CACNA1C: variants seen among roughly 807,000 people sequenced by gnomAD.
CACNA1C encodes calcium voltage-gated channel subunit alpha1 C, also known as voltage-dependent L-type calcium channel subunit alpha-1C.
Under a neutral mutation model 229.0 loss-of-function variants are expected in CACNA1C, and 30 were observed. The ratio of observed to expected loss-of-function variants is 0.13; its 90% confidence interval spans 0.10 to 0.18. The LOEUF (loss-of-function observed/expected upper bound fraction) is 0.18. CACNA1C is among the 10% of genes least tolerant of loss of function. CACNA1C has a pLI of 1.00. For synonymous variants in CACNA1C, 1,114 were observed against 1,132.5 expected, an observed-to-expected ratio of 0.98 and a Z score of 0.33; for missense variants, 1,658 against 2,845.0, an observed-to-expected ratio of 0.58 and a Z score of 9.49.
chr12:2,614,634 T>G (rs1236010328), intron 29 of CACNA1C: 4 of 152,226 alleles, frequency 2.6e-5, no homozygotes, highest in African/African-American at 4.8e-5. Context: ...TAAGTAGGAC[T>G]CTGTGCTGCA....
intron 11 of CACNA1C, among the ~76,000 whole-genome samples, chr12:2,563,349 G>A (rs1352705123): frequency 1.3e-5 from 2 of 152,188 alleles, no homozygotes; most frequent in Non-Finnish European, 2.9e-5. Flanking sequence ...GGAGAACATA[G>A]GAGTGCAGAT....
intron 3 of CACNA1C, among the ~76,000 whole-genome samples, chr12:2,240,820 G>A (rs548189909): frequency 1.3e-5 from 2 of 151,942 alleles, no homozygotes; most frequent in East Asian, 3.9e-4. Flanking sequence ...CTGACCTCTG[G>A]CAGCCCAGAG....
At chr12:2,092,183 G>A (rs1471463292) in intron 1 of CACNA1C, among the ~76,000 whole-genome samples, 2 of 152,146 alleles carry the variant, frequency 1.3e-5, no homozygotes, top group East Asian at 3.9e-4. Context: ...AGGAATGAAG[G>A]GCGCGAAGGC....
chr12:2,043,495 G>A (rs1005706891), intron 1 of CACNA1C, among the ~76,000 whole-genome samples: 35 of 152,072 alleles, frequency 2.3e-4, no homozygotes, highest in Non-Finnish European at 4.3e-4. Flanking sequence ...ATTGAAACAG[G>A]TCTTCCATCT....
chr12:2,627,884 G>T (rs566490647), intron 29 of CACNA1C, among the ~76,000 whole-genome samples: 2 of 152,296 alleles, frequency 1.3e-5, no homozygotes, highest in African/African-American at 4.8e-5. Context: ...GTCCTAGGAG[G>T]GGAAACCACG....
At chr12:2,292,767 G>A (rs1043683649) in intron 3 of CACNA1C, among the ~76,000 whole-genome samples, 1 of 152,158 alleles carries the variant, frequency 6.6e-6, no homozygotes, top group African/African-American at 2.4e-5. Context: ...TCTCTTCCCT[G>A]AATGGGCAGC....
chr12:2,651,851 C>A lies in CACNA1C; in HGVS notation c.4074+83C>A. 2 of 1,145,572 alleles carry A rather than the reference C, an allele frequency of 1.7e-6. No individual in the cohort carries two copies. Among genetic ancestry groups the A allele is most frequent in the Non-Finnish European group, 1.2e-6 (1 of 814,016 alleles). 71.0% of individuals were successfully genotyped at this position (1,145,572 alleles called of 1,614,324 possible). A position where few individuals can be genotyped will look rare whatever the true frequency, so the allele number is the denominator to read the frequency against. Reference sequence around the variant, plus strand: ...AACACAGCTGACACAAGGAGGAGCCCTCCACTCTGGGGCCCTGCTCCTTCC... The same window carrying A: ...AACACAGCTGACACAAGGAGGAGCCATCCACTCTGGGGCCCTGCTCCTTCC... On this transcript the variant is annotated intron_variant, in intron 32 of 46. Coordinates refer to ENST00000399655, the MANE Select transcript of CACNA1C (RefSeq NM_000719.7). The surrounding 1 kb of genome is among the most constrained non-coding windows in gnomAD (Gnocchi z 5.4).
At chr12:2,096,326 CTA>C (rs1456927538) in intron 1 of CACNA1C, among the ~76,000 whole-genome samples, 1 of 152,186 alleles carries the variant, frequency 6.6e-6, no homozygotes, top group Non-Finnish European at 1.5e-5. Flanking sequence ...TTCTCTGGGC[CTA>C]TGTCATGTGC....
intron 1 of CACNA1C, among the ~76,000 whole-genome samples, chr12:2,112,967 G>A (rs755678628): frequency 1.3e-5 from 2 of 151,840 alleles, no homozygotes; most frequent in South Asian, 2.1e-4. Flanking sequence ...ATATTAGCTC[G>A]TTTTTCGGTT....
At chr12:2,247,873 A>G (rs910021014) in intron 3 of CACNA1C, among the ~76,000 whole-genome samples, 2 of 152,216 alleles carry the variant, frequency 1.3e-5, no homozygotes, top group Non-Finnish European at 2.9e-5. Flanking sequence ...CAAAGCAAGA[A>G]ACAGTACATG....
intron 3 of CACNA1C, among the ~76,000 whole-genome samples, chr12:2,161,071 C>T (rs112384252): frequency 1.1e-3 from 161 of 152,344 alleles, no homozygotes; most frequent in Middle Eastern, 3.4e-3. Context: ...CCACCCTCCT[C>T]GGCCTCCCAA....
intron 9 of CACNA1C, among the ~76,000 whole-genome samples, chr12:2,529,145 A>G (rs888284536): frequency 6.6e-6 from 1 of 152,248 alleles, no homozygotes; most frequent in African/African-American, 2.4e-5. Context: ...CAGTGAGGCA[A>G]GTTAGGTTTG....
chr12:2,355,680 A>G (rs983164837), intron 3 of CACNA1C, among the ~76,000 whole-genome samples: 1 of 152,212 alleles, frequency 6.6e-6, no homozygotes, highest in Non-Finnish European at 1.5e-5. Context: ...ACTTCCTATT[A>G]CAGCTATGGC....
intron 1 of CACNA1C, among the ~76,000 whole-genome samples, chr12:1,978,172 C>T (rs1000324735): frequency 2.6e-5 from 4 of 152,158 alleles, no homozygotes; most frequent in African/African-American, 9.7e-5. Flanking sequence ...TGTCGCAACC[C>T]AGAGAAAGGG....
chr12:2,627,451 C>CT (rs2087444005), intron 29 of CACNA1C, among the ~76,000 whole-genome samples: 1 of 152,080 alleles, frequency 6.6e-6, no homozygotes, highest in African/African-American at 2.4e-5. Context: ...CGCCAGCTGC[C>CT]AGTGGGACCC....
intron 27 of CACNA1C, among the ~76,000 whole-genome samples, chr12:2,610,037 A>G (rs1215837670): frequency 6.6e-6 from 1 of 152,180 alleles, no homozygotes; most frequent in Non-Finnish European, 1.5e-5. Flanking sequence ...AGGCAGGAGA[A>G]TCGCTTGAGC....
chr12:2,645,515 A>G (rs974916717), intron 30 of CACNA1C, among the ~76,000 whole-genome samples: 5 of 152,350 alleles, frequency 3.3e-5, no homozygotes, highest in African/African-American at 1.2e-4. Flanking sequence ...GATACCACAG[A>G]TGTCCAACTC....
chr12:2,554,766 T>C (rs1307716843), intron 10 of CACNA1C, among the ~76,000 whole-genome samples: 1 of 152,142 alleles, frequency 6.6e-6, no homozygotes, highest in Non-Finnish European at 1.5e-5. Context: ...CGTTCAGACG[T>C]CACAGAGTTC....
intron 7 of CACNA1C, among the ~76,000 whole-genome samples, chr12:2,502,308 T>C (rs1200360705): frequency 6.6e-6 from 1 of 152,256 alleles, no homozygotes; most frequent in Non-Finnish European, 1.5e-5. Flanking sequence ...CGAGGCATCG[T>C]TGTAGGCACC....
Sources: allele counts gnomAD v4.1 joint callset (sites outside exome capture counted in the v4.1 genomes callset), GRCh38; gene constraint gnomAD v4.1.1; non-coding constraint Gnocchi (gnomAD v3.1); transcripts MANE v1.5; gene names NCBI Gene and HGNC (gene_info 2026-07-23, HGNC 2026-07-21).